The following MGAT4C variants were observed in gnomAD, a reference collection of about 807,000 sequenced individuals.
MGAT4C encodes MGAT4 family member C, also known as alpha-1,3-mannosyl-glycoprotein 4-beta-N-acetylglucosaminyltransferase C.
MGAT4C carries 19 observed loss-of-function variants against 40.1 expected under a neutral mutation model. That is an observed-to-expected ratio of 0.47 (90% CI 0.33 to 0.70). The LOEUF is 0.70. Ranked by LOEUF, MGAT4C falls within the 30% of genes least tolerant of loss-of-function variation. The pLI, the probability that MGAT4C is intolerant of heterozygous loss-of-function variation, is 0.02. For synonymous variants in MGAT4C, 181 were observed against 187.1 expected (o/e 0.97, Z 0.27); for missense variants, 491 against 563.2 (o/e 0.87, Z 1.30).
At position 86,163,811 on chromosome 12, in the gene MGAT4C, A is replaced by G. The variant is rs115179458; in HGVS notation, c.-57+92428T>C. On this transcript the variant is annotated intron_variant, in intron 1 of 4. Transcript: ENST00000611864. ...CAAGGTTGTGTTTCACAATTCCATA[A>G]TTTTCATCTATCAATCAATTTATAT... Among the ~76,000 whole-genome samples the G allele has an allele frequency of 6.4e-3, 969 of 152,294 alleles. 6 individuals carry two copies. Among genetic ancestry groups the G allele is most frequent in the African/African-American group, 0.022 (926 of 41,568 alleles).
intron 2 of MGAT4C, chr12:86,601,416 T>A (rs79106156): frequency 6.6e-6 from 1 of 152,092 alleles, no homozygotes; most frequent in Non-Finnish European, 1.5e-5. Flanking sequence ...AGCATGAACT[T>A]CCTCCATCCT....
At chr12:86,166,723 A>C (rs1253958887) in intron 1 of MGAT4C, among the ~76,000 whole-genome samples, 1 of 152,206 alleles carries the variant, frequency 6.6e-6, no homozygotes. Context: ...TATATGGTGT[A>C]ACAATACGTG....
chr12:86,134,494 C>T (rs1034333421), intron 1 of MGAT4C, among the ~76,000 whole-genome samples: 1 of 152,102 alleles, frequency 6.6e-6, no homozygotes, highest in African/African-American at 2.4e-5. Context: ...GACCACCCTT[C>T]ATCCACCAGT....
At position 85,972,015 on chromosome 12, in the gene MGAT4C, C is replaced by T. The variant is rs554118231; in HGVS notation, c.*7274G>A. On this transcript the variant is annotated 3_prime_UTR_variant, in exon 5 of 5. Coordinates refer to ENST00000611864, the MANE Select transcript of MGAT4C (RefSeq NM_001351288.2). ...CAGCAGAAAGTTAGAGGGCAGCATA[C>T]ATACATTGGTTTATGGATTTAATGA... The T allele has an allele frequency of 6.6e-6, 1 of 151,278 alleles. No homozygotes were observed. Among genetic ancestry groups the T allele is most frequent in the South Asian group, 2.1e-4 (1 of 4,824 alleles). The allele number at this position is 151,278 out of a possible 1,614,324, so 9.4% of individuals were successfully genotyped here.
At chr12:86,646,139 T>C (rs937462062) in intron 2 of MGAT4C, among the ~76,000 whole-genome samples, 1 of 151,790 alleles carries the variant, frequency 6.6e-6, no homozygotes, top group Non-Finnish European at 1.5e-5. Flanking sequence ...ATCAAGTCTG[T>C]CAAAATGACA....
At chr12:86,622,658 A>G (rs1287888043) in intron 2 of MGAT4C, among the ~76,000 whole-genome samples, 1 of 152,204 alleles carries the variant, frequency 6.6e-6, no homozygotes, top group African/African-American at 2.4e-5. Flanking sequence ...AAATAATTTA[A>G]CAATATTCTG....
intron 4 of MGAT4C, among the ~76,000 whole-genome samples, chr12:86,269,013 CAT>C (rs60328579): frequency 0.017 from 1,278 of 74,140 alleles, 12 homozygotes; most frequent in Middle Eastern, 0.045. Flanking sequence ...TTCATACTTA[CAT>C]ATATATATAT....
chr12:86,397,138 A>G (rs1956277223), intron 3 of MGAT4C, among the ~76,000 whole-genome samples: 1 of 152,126 alleles, frequency 6.6e-6, no homozygotes, highest in Non-Finnish European at 1.5e-5. Context: ...CACTTGCCAT[A>G]TTCTATTGAA....
chr12:86,749,284 T>A (rs1475569773), intron 1 of MGAT4C, among the ~76,000 whole-genome samples: 1 of 151,738 alleles, frequency 6.6e-6, no homozygotes, highest in African/African-American at 2.4e-5. Flanking sequence ...TAAGACAATA[T>A]GCAACCTCTT....
chr12:86,517,562 A>G (rs1958715427), intron 2 of MGAT4C, among the ~76,000 whole-genome samples: 1 of 152,208 alleles, frequency 6.6e-6, no homozygotes, highest in African/African-American at 2.4e-5. Flanking sequence ...GAAAACCAGG[A>G]CAAACTTAGC....
intron 3 of MGAT4C, among the ~76,000 whole-genome samples, chr12:86,353,350 T>C (rs916549203): frequency 1.3e-5 from 2 of 151,970 alleles, no homozygotes; most frequent in Non-Finnish European, 2.9e-5. Flanking sequence ...CTCTGAAAAA[T>C]AAATAATAAC....
intron 2 of MGAT4C, among the ~76,000 whole-genome samples, chr12:86,591,012 A>G (rs1237000900): frequency 1.3e-5 from 2 of 151,992 alleles, no homozygotes; most frequent in African/African-American, 2.4e-5. Flanking sequence ...TCTTGGGAGT[A>G]TATGTTACAT....
chr12:86,078,541 A>C (rs1937784905), intron 1 of MGAT4C, among the ~76,000 whole-genome samples: 1 of 152,212 alleles, frequency 6.6e-6, no homozygotes, highest in South Asian at 2.1e-4. Flanking sequence ...ATGATGGAAG[A>C]GGTCCAATAT....
intron 1 of MGAT4C, among the ~76,000 whole-genome samples, chr12:86,763,890 C>T (rs150476145): frequency 8.6e-4 from 131 of 152,198 alleles, no homozygotes; most frequent in African/African-American, 2.9e-3. Flanking sequence ...GCAGCCAAGA[C>T]GGCCGAATAG....
chr12:86,813,370 T>G (rs553367918), intron 1 of MGAT4C, among the ~76,000 whole-genome samples: 23 of 152,134 alleles, frequency 1.5e-4, no homozygotes, highest in Admixed American at 2.6e-4. Context: ...CGTTTTTACC[T>G]TTAGACATTA....
chr12:86,169,219 C>T (rs839114), intron 1 of MGAT4C, among the ~76,000 whole-genome samples: 134,984 of 152,164 alleles, frequency 0.89, 60,116 homozygotes, highest in East Asian at 1. Context: ...GAGACAAGCA[C>T]AGTAAAGATG....
At chr12:86,212,301 TATAAA>T (rs1419496302) in intron 1 of MGAT4C, among the ~76,000 whole-genome samples, 1 of 152,188 alleles carries the variant, frequency 6.6e-6, no homozygotes, top group Non-Finnish European at 1.5e-5. Flanking sequence ...TTGAACTTCT[TATAAA>T]ATATTTTTAT....
At position 86,271,560 on chromosome 12, in the gene MGAT4C, G is replaced by A. The variant is rs540471698; in HGVS notation, c.-57+62505C>T. On this transcript the variant is annotated intron_variant, in intron 4 of 7. Coordinates refer to the MGAT4C transcript ENST00000548651. ...AAAAGGGAACACTTACATATTGTTG[G>A]TGGGGGTGCAAACTATTAAAACAGT... is the stretch of plus-strand genomic sequence containing the variant. 7.7e-4 allele frequency among the ~76,000 whole-genome samples: 117 copies of A among 152,250 alleles called. 1 individual carries two copies. Among genetic ancestry groups the A allele is most frequent in the African/African-American group, 2.7e-3 (114 of 41,560 alleles).
At chr12:86,270,328 G>T (rs545953217) in intron 4 of MGAT4C, among the ~76,000 whole-genome samples, 3 of 152,008 alleles carry the variant, frequency 2.0e-5, no homozygotes, top group East Asian at 3.9e-4. Flanking sequence ...TGATCCGCCC[G>T]CCTCGGCCTC....
Sources: gnomAD v4.1 joint callset for allele counts (sites outside exome capture counted in the v4.1 genomes callset) on GRCh38, gnomAD v4.1.1 for gene constraint, MANE v1.5 for transcripts, NCBI Gene and HGNC (gene_info 2026-07-23, HGNC 2026-07-21) for gene names.